Variants in RUFY1 observed in about 807,000 individuals in gnomAD.
The protein encoded by RUFY1 is RUN and FYVE domain-containing protein 1.
In RUFY1, 54 loss-of-function variants were observed where a neutral mutation model predicts 94.6. That is an observed-to-expected ratio of 0.57 (90% confidence interval 0.46 to 0.72). The LOEUF is 0.72. RUFY1 is among the 30% of genes least tolerant of loss of function. The pLI is 0.00. For missense variants in RUFY1, 883 were observed against 883.9 expected (o/e 1.00, Z 0.01); for synonymous variants, 396 against 347.3 (o/e 1.14, Z -1.56).
In RUFY1 at chr5:179,560,034, G is replaced by A. The variant is rs146021243; in HGVS notation, c.320G>A (p.Cys107Tyr). 2 of 1,613,342 alleles carry A rather than the reference G, an allele frequency of 1.2e-6. No individual in the cohort carries two copies. Reference protein sequence around the residue: ...GDGTARAASKCQMMEERANLM... With the variant: ...GDGTARAASKYQMMEERANLM... The stretch of plus-strand genomic sequence containing the variant: ...TGCTCCTGCCCCACAGCTTCTAAGT[G>A]CCAGATGATGGAGGAGCGTGCCAAC... The change falls in exon 2 of 18, where the codon TGC (cysteine) becomes TAC (tyrosine). Residue 107 changes from cysteine (C) to tyrosine (Y), a missense_variant. Coordinates refer to ENST00000319449, the MANE Select transcript of RUFY1 (RefSeq NM_025158.5).
chr5:179,567,932 G>A (rs1762955572), intron 4 of RUFY1, among the ~76,000 whole-genome samples: 1 of 150,776 alleles, frequency 6.6e-6, no homozygotes, highest in South Asian at 2.1e-4. Context: ...ACATAGTTCT[G>A]TAGATCATTT....
intron 10 of RUFY1, among the ~76,000 whole-genome samples, chr5:179,592,964 T>C (rs1765235937): frequency 6.6e-6 from 1 of 152,246 alleles, no homozygotes; most frequent in Admixed American, 6.5e-5. Flanking sequence ...GTTGACTTGA[T>C]GTGGAGTCAG....
intron 3 of RUFY1, among the ~76,000 whole-genome samples, chr5:179,566,764 A>G (rs11249646): frequency 0.41 from 62,853 of 152,020 alleles, 13,436 homozygotes; most frequent in East Asian, 0.73. Context: ...ACATAAAATT[A>G]TACCTTTAAG....
chr5:179,555,672 G>A (rs2127503589), intron 1 of RUFY1: 3 of 384,310 alleles, frequency 7.8e-6, no homozygotes, highest in South Asian at 5.2e-5. Context: ...TCGTCACCCA[G>A]GCTGGAGTGC....
rs1056494679 is a variant in RUFY1, at chr5:179,591,495, T to C, written c.1129-130T>C. 6 of 679,902 alleles carry C rather than the reference T, an allele frequency of 8.8e-6. No homozygotes were observed. In the African/African-American group the frequency reaches 1.1e-4, roughly 13 times the overall value. The allele number at this position is 679,902 out of a possible 1,614,324, so 42.1% of individuals were successfully genotyped here. ...CAATGCGCCCAGCCAAGTTTTAACC[T>C]TTTTCTACCATGCTTAAAAAATAAA... is the stretch of plus-strand genomic sequence containing the variant. On this transcript the variant is annotated intron_variant, in intron 9 of 17. Coordinates refer to ENST00000319449, the MANE Select transcript of RUFY1 (RefSeq NM_025158.5).
intron 3 of RUFY1, among the ~76,000 whole-genome samples, chr5:179,564,539 C>A (rs541311228): frequency 2.9e-4 from 44 of 151,816 alleles, no homozygotes; most frequent in Admixed American, 2.4e-3. Context: ...ATCTTTCCCA[C>A]CTCAGCCTCC....
chr5:179,607,790 G>A, intron 17 of RUFY1, 131 bp downstream of exon 17: 1 of 752,084 alleles, frequency 1.3e-6, no homozygotes, highest in Non-Finnish European at 2.2e-6. Context: ...TGGCAGATGG[G>A]CAGCCCCGCC....
At chr5:179,579,834 T>C in intron 6 of RUFY1, among the ~76,000 whole-genome samples, 1 of 150,792 alleles carries the variant, frequency 6.6e-6, no homozygotes, top group South Asian at 2.1e-4. Context: ...CAGCTAATTT[T>C]TTGTGTGTAT....
At chr5:179,598,606 CCT>C in intron 13 of RUFY1, 84 bp from the exon 14 acceptor site, 1 of 1,511,032 alleles carries the variant, frequency 6.6e-7, no homozygotes, top group Non-Finnish European at 9.1e-7. Flanking sequence ...CAGAGACTTC[CCT>C]GTTTCCTGGG....
At position 179,607,586 on chromosome 5, in the gene RUFY1, A is replaced by G. The variant is rs986265763; in HGVS notation, c.1910A>G (p.His637Arg). ...AGAATGTCCTTTCCTCTTCAGGGCC[A>G]CGCCTGGCTGAAAGATGACGAAGCG... ...IKEVNQALKG[H>R]AWLKDDEATH... Residue 637 changes from histidine (H) to arginine (R), a missense_variant, in exon 17 of 18, where the codon CAC becomes CGC. By Grantham distance (29) the His-to-Arg change is conservative (BLOSUM62 0). Coordinates refer to ENST00000319449, the MANE Select transcript of RUFY1 (RefSeq NM_025158.5). The G allele has an allele frequency of 6.2e-7, 1 of 1,614,210 alleles. No individual in the cohort carries two copies. Among genetic ancestry groups the G allele is most frequent in the Non-Finnish European group, 8.5e-7 (1 of 1,180,020 alleles).
intron 8 of RUFY1, among the ~76,000 whole-genome samples, chr5:179,589,171 A>G (rs938307731): frequency 9.2e-5 from 14 of 152,186 alleles, no homozygotes; most frequent in Admixed American, 5.2e-4. Flanking sequence ...TAAACATTTT[A>G]TTGAGTACAT....
intron 6 of RUFY1, among the ~76,000 whole-genome samples, chr5:179,579,286 T>C (rs571378197): frequency 9.2e-4 from 140 of 152,322 alleles, no homozygotes; most frequent in African/African-American, 3.3e-3. Context: ...TTCTTTTATT[T>C]CATATCAGGC....
chr5:179,573,810 C>T (rs4701134), intron 5 of RUFY1, among the ~76,000 whole-genome samples: 62,172 of 151,972 alleles, frequency 0.41, 13,189 homozygotes, highest in East Asian at 0.73. Context: ...GCGTGAGCCA[C>T]CGTGCCCGGC....
chr5:179,580,178 C>G (rs1764002844), intron 6 of RUFY1, among the ~76,000 whole-genome samples: 1 of 150,154 alleles, frequency 6.7e-6, no homozygotes, highest in African/African-American at 2.4e-5. Flanking sequence ...TACATATATC[C>G]CGTTTTTGTA....
Position 179,596,544 on chromosome 5 carries a change from T to TG in RUFY1, c.1512-17dup, listed in dbSNP as rs780700021. ...CAAAGATTTGCTTCATTTGCACTCTTGCTGGTGTCGCATCCAGGTTGCAGC... is the reference window on the plus strand; with the variant it reads ...CAAAGATTTGCTTCATTTGCACTCTTGGCTGGTGTCGCATCCAGGTTGCAGC... On this transcript the variant is annotated splice_polypyrimidine_tract_variant and intron_variant, in intron 12 of 17. Transcript: ENST00000319449. 6.2e-7 allele frequency: 1 copy of TG among 1,613,624 alleles called. No homozygotes were observed. The highest frequency in any genetic ancestry group is 1.3e-5 in the African/African-American group (1 of 74,932).
rs1767544498 is a variant in RUFY1, at chr5:179,609,787, T to TATCA, written c.*269_*272dup. 2 of 382,282 alleles carry TATCA rather than the reference T, an allele frequency of 5.2e-6. No homozygotes were observed. The highest frequency in any genetic ancestry group is 9.0e-5 in the East Asian group (2 of 22,282). The allele number at this position is 382,282 out of a possible 1,614,324, so 23.7% of individuals were successfully genotyped here. On this transcript the variant is annotated 3_prime_UTR_variant, in exon 18 of 18. Coordinates refer to ENST00000319449, the MANE Select transcript of RUFY1 (RefSeq NM_025158.5). ...AGATACAACTTCATGATTTTGCTAC[T>TATCA]ATCATTTTTCACTTTTCAAAGAATT...
intron 1 of RUFY1, among the ~76,000 whole-genome samples, chr5:179,553,510 A>G (rs1163692757): frequency 2.6e-5 from 4 of 152,202 alleles, no homozygotes; most frequent in African/African-American, 7.2e-5. Context: ...TAGGCCGGGC[A>G]TGGTGGCTCA....
At chr5:179,563,236 G>GAGA (rs1442120144) in intron 3 of RUFY1, among the ~76,000 whole-genome samples, 1 of 152,184 alleles carries the variant, frequency 6.6e-6, no homozygotes, top group African/African-American at 2.4e-5. Context: ...CTGGACTGTT[G>GAGA]AGCGTTTATT....
chr5:179,566,624 C>CG (rs1160162292), intron 3 of RUFY1, among the ~76,000 whole-genome samples: 7 of 98,756 alleles, frequency 7.1e-5, no homozygotes, highest in Non-Finnish European at 1.2e-4. Flanking sequence ...GGCTCCATCT[C>CG]GAAAAAAAAA....
Sources: gnomAD v4.1 joint callset for allele counts (sites outside exome capture counted in the v4.1 genomes callset) on GRCh38, gnomAD v4.1.1 for gene constraint, MANE v1.5 for transcripts, NCBI Gene and HGNC (gene_info 2026-07-23, HGNC 2026-07-21) for gene names.